BAZ1B: variants seen among roughly 807,000 people sequenced by gnomAD.
BAZ1B encodes tyrosine-protein kinase BAZ1B.
Under a neutral mutation model 153.8 loss-of-function variants are expected in BAZ1B, and 22 were observed. The observed-to-expected ratio is 0.14, with a 90% CI of 0.10 to 0.20. BAZ1B has a LOEUF of 0.20. BAZ1B is among the 10% of genes least tolerant of loss of function. The pLI, the probability that BAZ1B is intolerant of heterozygous loss-of-function variation, is 1.00. For missense variants in BAZ1B, 1,325 were observed against 1,799.3 expected, an observed-to-expected ratio of 0.74 and a Z score of 4.77; for synonymous variants, 676 against 633.4, an observed-to-expected ratio of 1.07 and a Z score of -1.01.
chr7:73,475,274 A>G (rs899150691), intron 7 of BAZ1B, among the ~76,000 whole-genome samples: 3 of 152,364 alleles, frequency 2.0e-5, no homozygotes, highest in South Asian at 4.1e-4. Flanking sequence ...TCATACATGA[A>G]TATTTATGGC....
chr7:73,442,377 T>C lies in BAZ1B; in HGVS notation c.4271A>G (p.His1424Arg), dbSNP rs782793131. 2.5e-6 allele frequency: 4 copies of C among 1,614,130 alleles called. No individual in the cohort carries two copies. The highest frequency in any genetic ancestry group is 1.7e-6 in the Non-Finnish European group (2 of 1,180,056). Reference protein sequence around the residue: ...NAEVYNCRGSHVLSCMVKTEQ... With the variant: ...NAEVYNCRGSRVLSCMVKTEQ... ...TGTCTTCACCATGCAGCTTAGCACATGGCTGCCACGGCAGTTGTAAACCTC... is the reference window on the plus strand; with the variant it reads ...TGTCTTCACCATGCAGCTTAGCACACGGCTGCCACGGCAGTTGTAAACCTC... Residue 1424 changes from histidine to arginine, a missense_variant, in exon 19 of 20, where the codon CAT (histidine) becomes CGT (arginine). Physicochemically the swap from His to Arg is conservative, Grantham distance 29. Coordinates refer to ENST00000339594, the MANE Select transcript of BAZ1B (RefSeq NM_032408.4).
At position 73,449,672 on chromosome 7, in the gene BAZ1B, T is replaced by G; in HGVS notation, c.3598A>C (p.Ile1200Leu). Residue 1200 changes from isoleucine (I) to leucine (L), a missense_variant, in exon 15 of 20, where the codon ATC (isoleucine) becomes CTC (leucine). By Grantham distance (5) the Ile-to-Leu change is conservative (BLOSUM62 2). Around this residue, in one of 9 missense-constraint regions of BAZ1B, gnomAD observed 21 missense variants for 58.3 expected, o/e 0.36. Coordinates refer to ENST00000339594, the MANE Select transcript of BAZ1B (RefSeq NM_032408.4). ...GCTTTATTACACTCATCACACAAGA[T>G]CAATTTGTCATCCTCACCTGCAGAG... Reference protein sequence around the residue: ...CRKKGEDDKLILCDECNKAFH... With the variant: ...CRKKGEDDKLLLCDECNKAFH... 1 of 1,613,904 alleles carries G rather than the reference T, an allele frequency of 6.2e-7. No homozygotes were observed. The highest frequency in any genetic ancestry group is 8.5e-7 in the Non-Finnish European group (1 of 1,179,990).
At position 73,470,509 on chromosome 7, in the gene BAZ1B, C is replaced by A. The variant is rs781788746; in HGVS notation, c.2594-26G>T. 2.5e-6 allele frequency: 4 copies of A among 1,608,470 alleles called. No individual in the cohort carries two copies. In the South Asian group the frequency reaches 4.4e-5, roughly 18 times the overall value. On this transcript the variant is annotated intron_variant, in intron 7 of 19. Coordinates refer to ENST00000339594, the MANE Select transcript of BAZ1B (RefSeq NM_032408.4). ...CTGTTAAAAATAAAAAGACTCAAATCAGATATTTTCCTAGTAAATCCCACT... is the reference window on the plus strand; with the variant it reads ...CTGTTAAAAATAAAAAGACTCAAATAAGATATTTTCCTAGTAAATCCCACT...
intron 4 of BAZ1B, among the ~76,000 whole-genome samples, chr7:73,495,720 G>A (rs1554576293): frequency 2.0e-5 from 3 of 152,238 alleles, no homozygotes. Flanking sequence ...ATGAGATCAT[G>A]TCCTTTGCAG....
Position 73,447,540 on chromosome 7 carries a change from T to C in BAZ1B, c.3729-161A>G, listed in dbSNP as rs554572904. 6.6e-5 allele frequency among the ~76,000 whole-genome samples: 10 copies of C among 152,162 alleles called. No homozygotes were observed. The South Asian group carries it at 1.9e-3, about 28-fold the overall frequency. ...AACCTGAATGTAAGCCAGGAGAGTT[T>C]TTCATAAAAATGAAAAACCAAGTTT... On this transcript the variant is annotated intron_variant, in intron 15 of 19. Transcript: ENST00000339594.
intron 13 of BAZ1B, among the ~76,000 whole-genome samples, chr7:73,458,303 A>G (rs1189159881): frequency 2.0e-5 from 3 of 152,206 alleles, no homozygotes; most frequent in Non-Finnish European, 4.4e-5. Context: ...AGTGTATGAA[A>G]AAGTTTTGAA....
intron 7 of BAZ1B, 50 bp from the exon 8 acceptor site, chr7:73,470,533 C>G (rs782437808): frequency 6.3e-7 from 1 of 1,592,208 alleles, no homozygotes; most frequent in African/African-American, 1.4e-5. Context: ...GTAAATCCCA[C>G]TCTTACAAAT....
rs961205230 is a variant in BAZ1B at position 73,478,488 on chromosome 7, T to G, written c.973A>C (p.Asn325His). 8 of 1,608,034 alleles carry G rather than the reference T, an allele frequency of 5.0e-6. No homozygotes were observed. In the African/African-American group the frequency reaches 9.4e-5, roughly 19 times the overall value. The change falls in exon 7 of 20, where the codon AAC becomes CAC. Residue 325 changes from asparagine to histidine, a missense_variant. By Grantham distance (68) the Asn-to-His change is moderately conservative. Transcript: ENST00000339594. Reference protein sequence around the residue: ...RKPSKKSKTDNSSLSSPLNPK... With the variant: ...RKPSKKSKTDHSSLSSPLNPK... Reference sequence around the variant, plus strand: ...TTTAGTGGTGAACTAAGAGAAGAGTTGTCTGTCTTGGATTTCTTTGAGGGC... The same window carrying G: ...TTTAGTGGTGAACTAAGAGAAGAGTGGTCTGTCTTGGATTTCTTTGAGGGC...
At chr7:73,463,645 A>G (rs1788471558) in intron 11 of BAZ1B, among the ~76,000 whole-genome samples, 1 of 152,064 alleles carries the variant, frequency 6.6e-6, no homozygotes, top group Non-Finnish European at 1.5e-5. Flanking sequence ...CTGCCCAAAG[A>G]GAAGGAACAT....
Position 73,492,954 on chromosome 7 carries a change from TA to T in BAZ1B, c.572-34del, listed in dbSNP as rs1478115814. On this transcript the variant is annotated intron_variant, in intron 4 of 19. Transcript: ENST00000339594. ...AATCATAGAAAATTAGTGAAAAACG[TA>T]ATTATTTTAATCCTTTTCATTCATT... 10 of 1,566,956 alleles carry T rather than the reference TA, an allele frequency of 6.4e-6. No homozygotes were observed. The Admixed American group carries it at 2.0e-4, about 32-fold the overall frequency.
intron 3 of BAZ1B, among the ~76,000 whole-genome samples, chr7:73,501,251 C>T (rs1196168958): frequency 1.3e-5 from 2 of 152,006 alleles, no homozygotes; most frequent in Admixed American, 6.6e-5. Flanking sequence ...AATGAAACTC[C>T]GCCTCAAAAC....
chr7:73,480,949 T>C (rs1554573584), intron 6 of BAZ1B, among the ~76,000 whole-genome samples: 1 of 152,098 alleles, frequency 6.6e-6, no homozygotes. Context: ...ATTTTTGAGA[T>C]GGAGTCTCGC....
At chr7:73,519,613 T>C (rs1790948157) in intron 1 of BAZ1B, among the ~76,000 whole-genome samples, 1 of 152,214 alleles carries the variant, frequency 6.6e-6, no homozygotes, top group South Asian at 2.1e-4. Context: ...ATTGTTACCA[T>C]CAAAACTCTT....
At chr7:73,501,737 T>C (rs140393512) in intron 3 of BAZ1B, among the ~76,000 whole-genome samples, 275 of 152,296 alleles carry the variant, frequency 1.8e-3, no homozygotes, top group African/African-American at 6.3e-3. Context: ...CCCATGGATA[T>C]ATCCTACTCA....
At chr7:73,474,130 C>T (rs1308287769) in intron 7 of BAZ1B, among the ~76,000 whole-genome samples, 5 of 152,096 alleles carry the variant, frequency 3.3e-5, no homozygotes, top group Non-Finnish European at 5.9e-5. Flanking sequence ...AATAAGCCAA[C>T]GTATCCTACA....
At chr7:73,498,231 A>AT (rs1277597664) in intron 4 of BAZ1B, among the ~76,000 whole-genome samples, 1 of 152,154 alleles carries the variant, frequency 6.6e-6, no homozygotes, top group East Asian at 1.9e-4. Context: ...AAGTGCTGGG[A>AT]TTACAGGCAT....
intron 9 of BAZ1B, 98 bp from the exon 10 acceptor site, chr7:73,466,499 AAC>A (rs1788591311): frequency 2.7e-6 from 2 of 727,986 alleles, no homozygotes; most frequent in East Asian, 2.5e-5. Context: ...AATTTGTAAC[AAC>A]ACAGATACTT....
At chr7:73,461,014 C>T (rs782717957) in intron 12 of BAZ1B, among the ~76,000 whole-genome samples, 3 of 151,260 alleles carry the variant, frequency 2.0e-5, no homozygotes, top group African/African-American at 4.9e-5. Flanking sequence ...TTGCTCTTGT[C>T]GTCCAGGCTG....
At position 73,441,218 on chromosome 7, in the gene BAZ1B, T is replaced by C. The variant is rs1421836512; in HGVS notation, c.*491A>G. 6.5e-6 allele frequency: 1 copy of C among 152,672 alleles called. No homozygotes were observed. Among genetic ancestry groups the C allele is most frequent in the African/African-American group, 2.4e-5 (1 of 41,442 alleles). 9.5% of individuals were successfully genotyped at this position (152,672 alleles called of 1,614,324 possible). On this transcript the variant is annotated 3_prime_UTR_variant, in exon 20 of 20. Transcript: ENST00000339594. ...GGAAGTTAGAGCAAACACATTATCA[T>C]AGAAACTGTACTGTACATGTGCTAA...
Sources: gnomAD v4.1 joint callset for allele counts (sites outside exome capture counted in the v4.1 genomes callset) on GRCh38, gnomAD v4.1.1 for gene constraint, gnomAD v4.1.1 regional missense constraint, MANE v1.5 for transcripts, NCBI Gene and HGNC (gene_info 2026-07-23, HGNC 2026-07-21) for gene names.